TRAPPC9: variants seen among roughly 807,000 people sequenced by gnomAD.
The protein encoded by TRAPPC9 is IKK2 binding protein.
TRAPPC9 carries 83 observed loss-of-function variants against 124.0 expected under a neutral mutation model. The ratio of observed to expected loss-of-function variants is 0.67; its 90% CI spans 0.56 to 0.80. The LOEUF is 0.80. TRAPPC9 is among the 30% of genes least tolerant of loss of function. The pLI is 0.00. For missense variants in TRAPPC9, 1,302 were observed against 1,508.3 expected (o/e 0.86, Z 2.27); for synonymous variants, 638 against 617.5 (o/e 1.03, Z -0.49).
At chr8:140,439,286 C>A in intron 2 of TRAPPC9, 89 bp from the exon 3 acceptor site, 1 of 1,432,696 alleles carries the variant, frequency 7.0e-7, no homozygotes, top group South Asian at 1.2e-5. Context: ...TCTCTCACTA[C>A]TAAAAATGCT....
intron 17 of TRAPPC9, among the ~76,000 whole-genome samples, chr8:140,209,083 C>T (rs1378197425): frequency 6.6e-6 from 1 of 152,142 alleles, no homozygotes; most frequent in African/African-American, 2.4e-5. Flanking sequence ...CACAGCAAAC[C>T]ATCACTGACA....
intron 9 of TRAPPC9, among the ~76,000 whole-genome samples, chr8:140,326,223 A>T (rs1196719923): frequency 2.3e-5 from 3 of 129,544 alleles, no homozygotes; most frequent in Admixed American, 7.6e-5. Flanking sequence ...CGTCTCTACT[A>T]AAAAAAAAAA....
At chr8:140,364,292 C>CAAAAAAAAAAAAAAAAAAAAAAA (rs34616334) in intron 8 of TRAPPC9, among the ~76,000 whole-genome samples, 2 of 53,066 alleles carry the variant, frequency 3.8e-5, no homozygotes, top group Non-Finnish European at 8.5e-5. Flanking sequence ...TCAAAGGATG[C>CAAAAAAAAAAAAAAAAAAAAAAA]AAAAAAAAAA....
chr8:140,260,830 C>T (rs1033258190), intron 15 of TRAPPC9, among the ~76,000 whole-genome samples: 1 of 152,234 alleles, frequency 6.6e-6, no homozygotes, highest in African/African-American at 2.4e-5. Context: ...ATCTGCCTCT[C>T]ACCCCTTATC....
intron 9 of TRAPPC9, among the ~76,000 whole-genome samples, chr8:140,350,627 G>A (rs562347480): frequency 3.3e-5 from 5 of 152,098 alleles, no homozygotes; most frequent in Non-Finnish European, 5.9e-5. Context: ...CGGGGGTCAC[G>A]GTGGTCTCCT....
At chr8:140,010,542 A>G (rs1473591540) in intron 18 of TRAPPC9, among the ~76,000 whole-genome samples, 3 of 152,220 alleles carry the variant, frequency 2.0e-5, no homozygotes, top group Non-Finnish European at 4.4e-5. Flanking sequence ...AAGATTACAT[A>G]TAAGAGAATA....
At position 139,738,392 on chromosome 8, in the gene TRAPPC9, T is replaced by C. The variant is rs1351983272; in HGVS notation, c.3056-6190A>G. ...CCGGGAGCCTGTATGTCCTCTCCCATGGCAGAAGGAGCTTAGCAGATGTGA... is the reference window on the plus strand; with the variant it reads ...CCGGGAGCCTGTATGTCCTCTCCCACGGCAGAAGGAGCTTAGCAGATGTGA... On this transcript the variant is annotated intron_variant, in intron 21 of 22. Coordinates refer to ENST00000438773, the MANE Select transcript of TRAPPC9 (RefSeq NM_001160372.4). Among the ~76,000 whole-genome samples, 8 of 152,174 alleles carry C rather than the reference T, an allele frequency of 5.3e-5. No homozygotes were observed. In the East Asian group the frequency reaches 1.5e-3, roughly 29 times the overall value.
At chr8:140,295,237 C>T (rs765360626) in intron 11 of TRAPPC9, among the ~76,000 whole-genome samples, 5 of 152,250 alleles carry the variant, frequency 3.3e-5, no homozygotes, top group Admixed American at 6.5e-5. Context: ...GGGCATATAA[C>T]TGCTACCAAA....
chr8:140,118,413 G>A (rs1437773037), intron 17 of TRAPPC9, among the ~76,000 whole-genome samples: 1 of 152,244 alleles, frequency 6.6e-6, no homozygotes, highest in African/African-American at 2.4e-5. Context: ...GATTCCGTTA[G>A]TAGTCAAAGG....
At chr8:140,020,744 T>C (rs74390476) in intron 18 of TRAPPC9, among the ~76,000 whole-genome samples, 5 of 152,260 alleles carry the variant, frequency 3.3e-5, no homozygotes, top group African/African-American at 1.2e-4. Flanking sequence ...TACTGAGAGA[T>C]AAATGTTGAC....
intron 17 of TRAPPC9, among the ~76,000 whole-genome samples, chr8:140,183,981 AGGGAGG>A (rs2062290025): frequency 3.6e-5 from 1 of 27,916 alleles, no homozygotes; most frequent in East Asian, 9.2e-4. Flanking sequence ...AGGAGGGAGG[AGGGAGG>A]AGGGAGGAGG....
chr8:140,010,557 G>A (rs1839053556), intron 18 of TRAPPC9, among the ~76,000 whole-genome samples: 1 of 152,098 alleles, frequency 6.6e-6, no homozygotes, highest in African/African-American at 2.4e-5. Flanking sequence ...AGAATACACA[G>A]AAGAAATGCA....
chr8:139,779,116 G>T (rs1356634278), intron 21 of TRAPPC9, among the ~76,000 whole-genome samples: 2 of 152,088 alleles, frequency 1.3e-5, no homozygotes, highest in Non-Finnish European at 2.9e-5. Context: ...AGAGAGACAT[G>T]TTGTATACAG....
At chr8:140,060,625 T>C (rs1842552311) in intron 17 of TRAPPC9, among the ~76,000 whole-genome samples, 1 of 112,530 alleles carries the variant, frequency 8.9e-6, no homozygotes, top group Admixed American at 1.1e-4. Context: ...TACCCATCCC[T>C]ACCCATCCCT....
chr8:140,327,639 T>C (rs62529383), intron 9 of TRAPPC9, among the ~76,000 whole-genome samples: 16,402 of 152,202 alleles, frequency 0.11, 1,141 homozygotes, highest in African/African-American at 0.19. Flanking sequence ...AACATGCTAA[T>C]TGAAATAAGT....
intron 21 of TRAPPC9, among the ~76,000 whole-genome samples, chr8:139,836,396 T>C (rs190587736): frequency 1.6e-4 from 25 of 152,292 alleles, no homozygotes; most frequent in Non-Finnish European, 3.5e-4. Flanking sequence ...CGCCCGGCAC[T>C]CGATGTGTGT....
intron 17 of TRAPPC9, among the ~76,000 whole-genome samples, chr8:140,167,842 C>T (rs780594391): frequency 2.0e-5 from 3 of 152,174 alleles, no homozygotes; most frequent in Admixed American, 6.5e-5. Context: ...TCCATTTTCT[C>T]GATGATTAAC....
chr8:139,766,918 TATC>T (rs1280499991), intron 21 of TRAPPC9, among the ~76,000 whole-genome samples: 5 of 152,264 alleles, frequency 3.3e-5, no homozygotes, highest in Admixed American at 3.3e-4. Context: ...CTACAGCACT[TATC>T]ATATGCTCTC....
At chr8:139,983,010 A>C (rs76278921) in intron 19 of TRAPPC9, among the ~76,000 whole-genome samples, 1,903 of 152,284 alleles carry the variant, frequency 0.012, 47 homozygotes, top group African/African-American at 0.044. Flanking sequence ...CAAAATCTAC[A>C]TGCTGAAATC....
Sources: allele counts gnomAD v4.1 joint callset (sites outside exome capture counted in the v4.1 genomes callset), GRCh38; gene constraint gnomAD v4.1.1; transcripts MANE v1.5; gene names NCBI Gene and HGNC (gene_info 2026-07-23, HGNC 2026-07-21).